Variants in OSBPL8 observed in about 807,000 individuals in gnomAD.
The protein encoded by OSBPL8 is oxysterol-binding protein-related protein 8.
A neutral mutation model predicts 125.5 loss-of-function variants in OSBPL8; 59 were observed. The observed-to-expected ratio is 0.47, with a 90% CI of 0.38 to 0.58. OSBPL8 has a LOEUF of 0.58. Ranked by LOEUF, OSBPL8 falls within the 20% of genes least tolerant of loss-of-function variation. The probability of loss-of-function intolerance (pLI) is 0.00; values close to 1 mark genes in which losing one functional copy is unlikely to be tolerated. For synonymous variants in OSBPL8, 330 were observed against 338.9 expected (o/e 0.97, Z 0.29); for missense variants, 758 against 1,047.8 (o/e 0.72, Z 3.82).
chr12:76,549,497 AC>A (rs1950877218), intron 1 of OSBPL8, among the ~76,000 whole-genome samples: 1 of 151,968 alleles, frequency 6.6e-6, no homozygotes, highest in Non-Finnish European at 1.5e-5. Flanking sequence ...TGCAACGTCC[AC>A]CTCCCAGGTT....
At chr12:76,499,103 A>AAGGC (rs1268347203) in intron 1 of OSBPL8, among the ~76,000 whole-genome samples, 2 of 152,182 alleles carry the variant, frequency 1.3e-5, no homozygotes, top group African/African-American at 4.8e-5. Flanking sequence ...CATCGAATAT[A>AAGGC]AGGCAGGCAG....
chr12:76,554,030 A>C (rs1033267881), intron 1 of OSBPL8, among the ~76,000 whole-genome samples: 5 of 151,376 alleles, frequency 3.3e-5, no homozygotes, highest in Non-Finnish European at 7.4e-5. Context: ...TCTGTGAATC[A>C]GCCTTATTCT....
chr12:76,371,602 C>G lies in OSBPL8; in HGVS notation c.1918-18G>C, dbSNP rs1370888658. ...TCACTATCCTATATTTAAAAAAATT[C>G]AAAATTAATGTAAAGAATTATACTT... is the stretch of plus-strand genomic sequence containing the variant. On this transcript the variant is annotated intron_variant, in intron 18 of 23. Transcript: ENST00000261183. 6.5e-7 allele frequency: 1 copy of G among 1,529,798 alleles called. No individual in the cohort carries two copies. The highest frequency in any genetic ancestry group is 8.8e-7 in the Non-Finnish European group (1 of 1,137,990). The allele number at this position is 1,529,798 out of a possible 1,614,324, so 94.8% of individuals were successfully genotyped here. A position where few individuals can be genotyped will look rare whatever the true frequency, so the allele number is the denominator to read the frequency against.
intron 1 of OSBPL8, among the ~76,000 whole-genome samples, chr12:76,501,144 T>C (rs1399158885): frequency 6.6e-6 from 1 of 152,226 alleles, no homozygotes; most frequent in Non-Finnish European, 1.5e-5. Flanking sequence ...TGTGTTTTTA[T>C]AATACCTTTG....
intron 12 of OSBPL8, among the ~76,000 whole-genome samples, chr12:76,387,909 C>T (rs774065539): frequency 6.6e-6 from 1 of 152,182 alleles, no homozygotes; most frequent in Non-Finnish European, 1.5e-5. Context: ...TGCCCCGTCT[C>T]TCCACACTGT....
At chr12:76,386,693 A>G in intron 12 of OSBPL8, 33 bp from the exon 13 acceptor site, 1 of 1,452,746 alleles carries the variant, frequency 6.9e-7, no homozygotes, top group Non-Finnish European at 9.5e-7. Context: ...AAAATTTTAA[A>G]AAATGTATCA....
At chr12:76,528,268 A>G (rs368012546) in intron 1 of OSBPL8, among the ~76,000 whole-genome samples, 2 of 150,260 alleles carry the variant, frequency 1.3e-5, no homozygotes, top group East Asian at 3.9e-4. Context: ...CGGAGGCTGC[A>G]GTGAGCCAAG....
intron 6 of OSBPL8, 49 bp downstream of exon 6, chr12:76,402,640 C>T (rs1406764787): frequency 1.5e-6 from 2 of 1,330,508 alleles, no homozygotes; most frequent in Non-Finnish European, 1.1e-6. Context: ...TCCAAACACA[C>T]ATGCAAAGCA....
rs1304326193 is a variant in OSBPL8 at position 76,355,760 on chromosome 12, C to T, written c.*129G>A. 8.1e-6 allele frequency: 8 copies of T among 988,066 alleles called. No homozygotes were observed. The highest frequency in any genetic ancestry group is 7.3e-6 in the Non-Finnish European group (5 of 687,848). 61.2% of individuals were successfully genotyped at this position (988,066 alleles called of 1,614,324 possible). A position where few individuals can be genotyped will look rare whatever the true frequency, so the allele number is the denominator to read the frequency against. The stretch of plus-strand genomic sequence containing the variant: ...TAAAAGATACGAAAAGTCAATACCT[C>T]TACATTTATCTCCTAGGTTTTTTTG... On this transcript the variant is annotated 3_prime_UTR_variant, in exon 24 of 24. Coordinates refer to ENST00000261183, the MANE Select transcript of OSBPL8 (RefSeq NM_020841.5).
intron 4 of OSBPL8, among the ~76,000 whole-genome samples, chr12:76,449,518 T>G (rs115124591): frequency 2.8e-4 from 42 of 152,308 alleles, no homozygotes; most frequent in Non-Finnish European, 5.1e-4. Context: ...TTAGCATAAA[T>G]CAAGGCAGAG....
At chr12:76,408,193 G>T (rs1186036142) in intron 5 of OSBPL8, among the ~76,000 whole-genome samples, 1 of 149,596 alleles carries the variant, frequency 6.7e-6, no homozygotes, top group Non-Finnish European at 1.5e-5. Context: ...CGGGCACGGT[G>T]ACTCACGCCT....
chr12:76,406,260 T>A (rs1954257735), intron 5 of OSBPL8, among the ~76,000 whole-genome samples: 1 of 152,212 alleles, frequency 6.6e-6, no homozygotes, highest in Admixed American at 6.5e-5. Context: ...ACAACAAGGA[T>A]AATGATAAGT....
At chr12:76,373,779 T>A (rs1952709630) in intron 17 of OSBPL8, among the ~76,000 whole-genome samples, 1 of 152,014 alleles carries the variant, frequency 6.6e-6, no homozygotes, top group African/African-American at 2.4e-5. Context: ...TCTTAAGCAA[T>A]AACAACTCAA....
intron 4 of OSBPL8, among the ~76,000 whole-genome samples, chr12:76,419,848 A>G (rs1869246365): frequency 6.6e-6 from 1 of 152,218 alleles, no homozygotes; most frequent in Non-Finnish European, 1.5e-5. Flanking sequence ...TAACTCTTCC[A>G]TCAAGTAATT....
chr12:76,457,099 G>C (rs988901886), intron 3 of OSBPL8, among the ~76,000 whole-genome samples: 2 of 152,108 alleles, frequency 1.3e-5, no homozygotes, highest in Non-Finnish European at 2.9e-5. Context: ...ACTTTTTAAA[G>C]CAATATGCAA....
chr12:76,526,491 C>CT (rs1416075489), intron 1 of OSBPL8, among the ~76,000 whole-genome samples: 1 of 151,582 alleles, frequency 6.6e-6, no homozygotes, highest in African/African-American at 2.4e-5. Context: ...TTTTACTGGC[C>CT]TTTAACTTTG....
In OSBPL8 at chr12:76,355,983, G is replaced by A. The variant is rs761377232; in HGVS notation, c.2576C>T (p.Thr859Ile). 18 of 1,612,942 alleles carry A rather than the reference G, an allele frequency of 1.1e-5. No individual in the cohort carries two copies. In the Admixed American group the frequency reaches 1.5e-4, roughly 13 times the overall value. ...TTGCAGAAAATAATCCGTGGCCGGT[G>A]TGCTTGAAACTAAATGATTTCGAAG... ...MALRNHLVSS[T>I]PATDYFLQQK... is the part of the protein sequence containing the mutation. Residue 859 changes from threonine to isoleucine, a missense_variant, in exon 24 of 24, where the codon ACA (threonine) becomes ATA (isoleucine). By Grantham distance (89) the Thr-to-Ile change is moderately conservative. Coordinates refer to ENST00000261183, the MANE Select transcript of OSBPL8 (RefSeq NM_020841.5).
chr12:76,516,637 A>G (rs1020137064), intron 1 of OSBPL8, among the ~76,000 whole-genome samples: 2 of 152,214 alleles, frequency 1.3e-5, no homozygotes, highest in Non-Finnish European at 2.9e-5. Context: ...CAAAAGAGAA[A>G]AAGCCAAAAG....
At chr12:76,375,437 G>A (rs1565838313) in intron 16 of OSBPL8, 67 bp from the exon 17 acceptor site, 2 of 996,686 alleles carry the variant, frequency 2.0e-6, no homozygotes, top group East Asian at 4.9e-5. Flanking sequence ...ACGATAAACA[G>A]TTTAGTAATC....
Sources: allele counts gnomAD v4.1 joint callset (sites outside exome capture counted in the v4.1 genomes callset), GRCh38; gene constraint gnomAD v4.1.1; transcripts MANE v1.5; gene names NCBI Gene and HGNC (gene_info 2026-07-23, HGNC 2026-07-21).